Variants in VAV3 observed in about 807,000 individuals in gnomAD.
VAV3 encodes guanine nucleotide exchange factor VAV3.
A neutral mutation model predicts 131.2 loss-of-function variants in VAV3; 94 were observed. The observed-to-expected ratio is 0.72, with a 90% CI of 0.61 to 0.85. VAV3 has a LOEUF of 0.85. Among genes scored for constraint, VAV3 ranks in the 40% least tolerant of loss-of-function variants. The pLI is 0.00. For missense variants in VAV3, 939 were observed against 1,002.7 expected (o/e 0.94, Z 0.86); for synonymous variants, 349 against 342.0 (o/e 1.02, Z -0.22).
chr1:107,718,408 C>T (rs927999624), intron 15 of VAV3, among the ~76,000 whole-genome samples: 1 of 152,030 alleles, frequency 6.6e-6, no homozygotes, highest in South Asian at 2.1e-4. Flanking sequence ...TCCTATACAC[C>T]AATTACAGAC....
intron 19 of VAV3, chr1:107,668,822 GT>G (rs1657583621): frequency 1.0e-6 from 1 of 985,404 alleles, no homozygotes; most frequent in South Asian, 4.7e-5. Context: ...GAAACATACA[GT>G]TTTGATTGTC....
At chr1:107,793,383 T>C (rs1666390400) in intron 2 of VAV3, among the ~76,000 whole-genome samples, 1 of 152,206 alleles carries the variant, frequency 6.6e-6, no homozygotes, top group Non-Finnish European at 1.5e-5. Context: ...CCGTCACCTT[T>C]TTATACTTGT....
chr1:107,679,921 CTACCAGAATTTGCATCTAA>C (rs1038489988), intron 19 of VAV3, among the ~76,000 whole-genome samples: 2 of 152,100 alleles, frequency 1.3e-5, no homozygotes, highest in Admixed American at 1.3e-4. Flanking sequence ...TTCAAAAGAG[CTACCAGAATTTGCATCTAA>C]TACATTACTA....
intron 1 of VAV3, among the ~76,000 whole-genome samples, chr1:107,892,716 AT>A (rs1469298097): frequency 6.6e-6 from 1 of 152,168 alleles, no homozygotes; most frequent in Non-Finnish European, 1.5e-5. Context: ...ACATTCTAAA[AT>A]TATTTTGTCA....
intron 19 of VAV3, among the ~76,000 whole-genome samples, chr1:107,650,164 G>A (rs1216515783): frequency 1.3e-5 from 2 of 152,092 alleles, no homozygotes; most frequent in African/African-American, 4.8e-5. Flanking sequence ...AAAGGTCAGT[G>A]ACACTGCATG....
intron 2 of VAV3, among the ~76,000 whole-genome samples, chr1:107,805,784 A>G (rs1283711967): frequency 6.6e-6 from 1 of 151,608 alleles, no homozygotes; most frequent in Non-Finnish European, 1.5e-5. Flanking sequence ...TTTGTTGGGT[A>G]TGTTTGCTTA....
intron 25 of VAV3, among the ~76,000 whole-genome samples, chr1:107,581,476 C>G (rs1200799933): frequency 6.6e-6 from 1 of 152,130 alleles, no homozygotes; most frequent in Admixed American, 6.6e-5. Flanking sequence ...TAAGCAAAAC[C>G]TGAAGTACTA....
intron 19 of VAV3, among the ~76,000 whole-genome samples, chr1:107,668,117 T>C (rs1027885424): frequency 1.8e-4 from 27 of 152,234 alleles, no homozygotes; most frequent in Admixed American, 1.4e-3. Flanking sequence ...GTGCTTATCC[T>C]TCTTCAATCT....
At chr1:107,621,717 C>T (rs1189089700) in intron 20 of VAV3, among the ~76,000 whole-genome samples, 1 of 152,056 alleles carries the variant, frequency 6.6e-6, no homozygotes, top group Non-Finnish European at 1.5e-5. Context: ...ATTACAAATG[C>T]CAAAGATAGG....
At chr1:107,814,149 T>C (rs1570989725) in intron 2 of VAV3, among the ~76,000 whole-genome samples, 1 of 152,162 alleles carries the variant, frequency 6.6e-6, no homozygotes, top group East Asian at 1.9e-4. Context: ...ACTTTTTTTC[T>C]TTCCTTTGAA....
At chr1:107,687,894 T>C (rs1253336045) in intron 18 of VAV3, among the ~76,000 whole-genome samples, 1 of 152,188 alleles carries the variant, frequency 6.6e-6, no homozygotes, top group Non-Finnish European at 1.5e-5. Context: ...AAAGGAAATG[T>C]TACTAGATCT....
At chr1:107,839,213 T>C (rs753768503) in intron 2 of VAV3, among the ~76,000 whole-genome samples, 2 of 152,192 alleles carry the variant, frequency 1.3e-5, no homozygotes, top group Non-Finnish European at 2.9e-5. Flanking sequence ...TAATTCATCA[T>C]GTAAACTGAC....
In VAV3 at chr1:107,766,689, A is replaced by G. The variant is rs977209022; in HGVS notation, c.718-139T>C. 4.5e-6 allele frequency: 3 copies of G among 661,430 alleles called. No homozygotes were observed. The African/African-American group carries it at 5.5e-5, about 12-fold the overall frequency. 41.0% of individuals were successfully genotyped at this position (661,430 alleles called of 1,614,324 possible). A position where few individuals can be genotyped will look rare whatever the true frequency, so the allele number is the denominator to read the frequency against. ...TCAATATATAAAACTGCTTCCACCA[A>G]TAAAGAGAGAGGGAAAAGGAGAGTG... On this transcript the variant is annotated intron_variant, in intron 7 of 26. Transcript: ENST00000370056.
At chr1:107,639,936 TAA>T (rs35664876) in intron 20 of VAV3, among the ~76,000 whole-genome samples, 210 of 138,932 alleles carry the variant, frequency 1.5e-3, no homozygotes, top group Admixed American at 1.5e-3. Context: ...ACCCTGTATT[TAA>T]AAAAAAAAAA....
chr1:107,939,636 A>G (rs1673890623), intron 1 of VAV3, among the ~76,000 whole-genome samples: 1 of 152,182 alleles, frequency 6.6e-6, no homozygotes, highest in Non-Finnish European at 1.5e-5. Flanking sequence ...TGGGTTTCTC[A>G]GGACATAACC....
chr1:107,729,834 C>T (rs1662111642), intron 15 of VAV3, among the ~76,000 whole-genome samples: 1 of 152,114 alleles, frequency 6.6e-6, no homozygotes, highest in South Asian at 2.1e-4. Context: ...TTTACCATAA[C>T]AAACGATAAA....
At position 107,760,888 on chromosome 1, in the gene VAV3, A is replaced by G. The variant is rs766091050; in HGVS notation, c.922-9T>C. On this transcript the variant is annotated splice_polypyrimidine_tract_variant and intron_variant, in intron 9 of 26. Transcript: ENST00000370056. ...GCTCTTTTGGAACATTCCTAATGAA[A>G]TGTTTTAAAAACACTTTGTTAGGGA... 12 of 1,606,046 alleles carry G rather than the reference A, an allele frequency of 7.5e-6. No homozygotes were observed. The highest frequency in any genetic ancestry group is 1.7e-4 in the Middle Eastern group (1 of 6,046).
intron 21 of VAV3, among the ~76,000 whole-genome samples, chr1:107,612,453 T>C (rs1223139542): frequency 6.6e-6 from 1 of 152,090 alleles, no homozygotes; most frequent in Non-Finnish European, 1.5e-5. Flanking sequence ...TAGTTCCTAT[T>C]TCTCTTTTGA....
chr1:107,816,973 C>G (rs1667586420), intron 2 of VAV3, among the ~76,000 whole-genome samples: 1 of 152,162 alleles, frequency 6.6e-6, no homozygotes, highest in African/African-American at 2.4e-5. Context: ...TCTCTGGACT[C>G]CAGTTCAGTA....
Sources: gnomAD v4.1 joint callset for allele counts (sites outside exome capture counted in the v4.1 genomes callset) on GRCh38, gnomAD v4.1.1 for gene constraint, MANE v1.5 for transcripts, NCBI Gene and HGNC (gene_info 2026-07-23, HGNC 2026-07-21) for gene names.